FSHR: variants seen among roughly 807,000 people sequenced by gnomAD.
FSHR encodes the protein follicle stimulating hormone receptor, also known as follicle-stimulating hormone receptor.
FSHR carries 46 observed loss-of-function variants against 52.1 expected under a neutral mutation model. The observed-to-expected ratio is 0.88, with a 90% CI of 0.70 to 1.13. The LOEUF is 1.13. Ranked by LOEUF, FSHR falls within the 50% of genes most tolerant of loss-of-function variation. The pLI, the probability that FSHR is intolerant of heterozygous loss-of-function variation, is 0.00. For missense variants in FSHR, 964 were observed against 834.6 expected (o/e 1.16, Z -1.91); for synonymous variants, 399 against 309.6 (o/e 1.29, Z -3.03).
chr2:49,136,593 G>A (rs1290946086), intron 1 of FSHR, among the ~76,000 whole-genome samples: 1 of 152,012 alleles, frequency 6.6e-6, no homozygotes, highest in African/African-American at 2.4e-5. Flanking sequence ...TCTTATGAAT[G>A]TAAATTCAAA....
At chr2:49,042,338 T>C (rs1668507102) in intron 2 of FSHR, among the ~76,000 whole-genome samples, 1 of 151,860 alleles carries the variant, frequency 6.6e-6, no homozygotes, top group Non-Finnish European at 1.5e-5. Context: ...CCAGACTAGA[T>C]AACAATGGGG....
At chr2:49,074,247 A>T (rs998158786) in intron 1 of FSHR, among the ~76,000 whole-genome samples, 1 of 152,106 alleles carries the variant, frequency 6.6e-6, no homozygotes, top group East Asian at 1.9e-4. Context: ...GAATGAAAAG[A>T]TAACCTATAG....
intron 4 of FSHR, among the ~76,000 whole-genome samples, chr2:49,000,916 T>G (rs1054825032): frequency 6.6e-6 from 1 of 152,040 alleles, no homozygotes; most frequent in African/African-American, 2.4e-5. Context: ...GTTACAGAGG[T>G]CACAAGTCTG....
chr2:49,040,992 C>T (rs576399680), intron 2 of FSHR, among the ~76,000 whole-genome samples: 16 of 152,086 alleles, frequency 1.1e-4, no homozygotes, highest in East Asian at 1.9e-4. Context: ...CTTTCATTGT[C>T]GGTCTATGAT....
Position 48,968,699 on chromosome 2 carries a change from T to G in FSHR, c.853A>C (p.Ile285Leu). ...CCAFANWRRQISELHPICNKS... is the reference protein window; with the variant it reads ...CCAFANWRRQLSELHPICNKS... ...GCAGGGCTTAAAGGATGGACTCACATTTGCCGTCTCCAGTTTGCAAAGGCA... is the reference window on the plus strand; with the variant it reads ...GCAGGGCTTAAAGGATGGACTCACAGTTGCCGTCTCCAGTTTGCAAAGGCA... Residue 285 changes from isoleucine (I) to leucine (L), a missense_variant and splice_region_variant, in exon 9 of 10, where the codon ATC becomes CTC. By Grantham distance (5) the Ile-to-Leu change is conservative (BLOSUM62 2). Transcript: ENST00000406846. 1 of 1,614,092 alleles carries G rather than the reference T, an allele frequency of 6.2e-7. No homozygotes were observed. The highest frequency in any genetic ancestry group is 8.5e-7 in the Non-Finnish European group (1 of 1,179,958).
At chr2:49,037,556 T>A (rs1405077834) in intron 2 of FSHR, among the ~76,000 whole-genome samples, 1 of 151,564 alleles carries the variant, frequency 6.6e-6, no homozygotes, top group African/African-American at 2.4e-5. Flanking sequence ...CAGAAAGATA[T>A]AGAAATTATA....
In FSHR at chr2:49,149,852, A is replaced by G. The variant is rs572517802; in HGVS notation, c.152+4414T>C. On this transcript the variant is annotated intron_variant, in intron 1 of 9. Coordinates refer to ENST00000406846, the MANE Select transcript of FSHR (RefSeq NM_000145.4). ...TAGTGAAAAGAGATTGCAATGAGATATGGGAACTTGCTATAAGGACAAGGT... is the reference window on the plus strand; with the variant it reads ...TAGTGAAAAGAGATTGCAATGAGATGTGGGAACTTGCTATAAGGACAAGGT... Among the ~76,000 whole-genome samples, 4 of 152,230 alleles carry G rather than the reference A, an allele frequency of 2.6e-5. No homozygotes were observed. In the South Asian group the frequency reaches 8.3e-4, roughly 32 times the overall value.
At chr2:49,103,517 G>A (rs539864762) in intron 1 of FSHR, among the ~76,000 whole-genome samples, 170 of 152,184 alleles carry the variant, frequency 1.1e-3, no homozygotes, top group African/African-American at 4.0e-3. Context: ...GTGATCCTCA[G>A]CACAGATCTA....
intron 1 of FSHR, among the ~76,000 whole-genome samples, chr2:49,138,615 G>A (rs1253852248): frequency 6.8e-6 from 1 of 147,786 alleles, no homozygotes; most frequent in African/African-American, 2.5e-5. Flanking sequence ...ACTTCATATT[G>A]TATGATCCCA....
chr2:48,972,939 C>T (rs1674808902), intron 8 of FSHR, among the ~76,000 whole-genome samples: 1 of 152,094 alleles, frequency 6.6e-6, no homozygotes, highest in African/African-American at 2.4e-5. Context: ...CCCATTATCT[C>T]ATATACTCTG....
chr2:49,011,960 T>A (rs1306456894), intron 4 of FSHR, among the ~76,000 whole-genome samples: 1 of 152,112 alleles, frequency 6.6e-6, no homozygotes, highest in Non-Finnish European at 1.5e-5. Context: ...AGAAACAGCC[T>A]GGATTGCTGA....
intron 1 of FSHR, among the ~76,000 whole-genome samples, chr2:49,077,740 A>G (rs1333753877): frequency 6.6e-6 from 1 of 152,190 alleles, no homozygotes; most frequent in Admixed American, 6.5e-5. Context: ...CTTCCACCAG[A>G]TACCCTACAT....
chr2:49,072,944 A>G (rs999130788), intron 1 of FSHR, among the ~76,000 whole-genome samples: 2 of 152,168 alleles, frequency 1.3e-5, no homozygotes, highest in African/African-American at 2.4e-5. Context: ...ACAATTCATT[A>G]TGACCTTGTT....
At chr2:49,148,909 C>G (rs767150248) in intron 1 of FSHR, among the ~76,000 whole-genome samples, 1 of 151,874 alleles carries the variant, frequency 6.6e-6, no homozygotes, top group Non-Finnish European at 1.5e-5. Context: ...GAAATCACAA[C>G]ATGGTGGCAG....
intron 2 of FSHR, among the ~76,000 whole-genome samples, chr2:49,024,893 A>G (rs984915992): frequency 6.6e-6 from 1 of 152,204 alleles, no homozygotes; most frequent in African/African-American, 2.4e-5. Context: ...GAGGATTTCC[A>G]TAGACCCTCT....
At chr2:49,151,742 G>A (rs1264191991) in intron 1 of FSHR, among the ~76,000 whole-genome samples, 1 of 152,082 alleles carries the variant, frequency 6.6e-6, no homozygotes, top group Non-Finnish European at 1.5e-5. Flanking sequence ...TTGGAAGATT[G>A]TAAGGTGAAT....
At chr2:49,127,722 A>T (rs1393937352) in intron 1 of FSHR, among the ~76,000 whole-genome samples, 1 of 149,358 alleles carries the variant, frequency 6.7e-6, no homozygotes, top group Non-Finnish European at 1.5e-5. Context: ...CTTGTGGCAC[A>T]TTGATTTGTG....
chr2:49,104,543 T>A (rs1671156311), intron 1 of FSHR, among the ~76,000 whole-genome samples: 1 of 152,168 alleles, frequency 6.6e-6, no homozygotes, highest in Non-Finnish European at 1.5e-5. Context: ...TTCTTTGCAT[T>A]CTAGTCAAGC....
intron 4 of FSHR, among the ~76,000 whole-genome samples, chr2:48,998,725 G>A (rs1676132242): frequency 6.6e-6 from 1 of 151,674 alleles, no homozygotes; most frequent in South Asian, 2.1e-4. Context: ...AACTTTGACA[G>A]CCATTAAAAT....
Sources: allele counts gnomAD v4.1 joint callset (sites outside exome capture counted in the v4.1 genomes callset), GRCh38; gene constraint gnomAD v4.1.1; transcripts MANE v1.5; gene names NCBI Gene and HGNC (gene_info 2026-07-23, HGNC 2026-07-21).